Variants in GRM1 observed in about 807,000 individuals in gnomAD.
The protein encoded by GRM1 is glutamate metabotropic receptor 1.
GRM1 carries 33 observed loss-of-function variants against 90.9 expected under a neutral mutation model. The ratio of observed to expected loss-of-function variants is 0.36; its 90% CI spans 0.28 to 0.49. The LOEUF (loss-of-function observed/expected upper bound fraction) is 0.49. Among genes scored for constraint, GRM1 ranks in the 20% least tolerant of loss-of-function variants. GRM1 has a pLI of 0.99. For missense variants in GRM1, 1,190 were observed against 1,534.3 expected (o/e 0.78, Z 3.75); for synonymous variants, 700 against 613.2 (o/e 1.14, Z -2.09).
At chr6:146,297,451 C>A (rs989875848) in intron 2 of GRM1, among the ~76,000 whole-genome samples, 1 of 152,112 alleles carries the variant, frequency 6.6e-6, no homozygotes, top group African/African-American at 2.4e-5. Context: ...TGAGCCACCA[C>A]GCCCAGCCAA....
chr6:146,310,360 T>C (rs920523123), intron 3 of GRM1, among the ~76,000 whole-genome samples: 2 of 152,250 alleles, frequency 1.3e-5, no homozygotes, highest in Non-Finnish European at 2.9e-5. Flanking sequence ...AGATGTTCCA[T>C]AAACTGAGAT....
At chr6:146,117,158 A>T (rs111346439) in intron 1 of GRM1, among the ~76,000 whole-genome samples, 3,809 of 145,882 alleles carry the variant, frequency 0.026, 105 homozygotes, top group African/African-American at 0.073. Flanking sequence ...TTATTTATTT[A>T]TTTTTTTTTT....
Position 146,357,691 on chromosome 6 carries a change from T to C in GRM1, c.1599T>C (p.Ile533=), listed in dbSNP as rs1176004285. Residue 533 remains isoleucine, a synonymous_variant, in exon 5 of 8, where the codon ATT becomes ATC. Transcript: ENST00000282753. Reference sequence around the variant, plus strand: ...GTGAGCCTTGCTTAAAGGGCCAGATTAAGGTAAGCCACAAATGCATTCTTG... The same window carrying C: ...GTGAGCCTTGCTTAAAGGGCCAGATCAAGGTAAGCCACAAATGCATTCTTG... The part of the protein sequence containing the change: ...VCSEPCLKGQ[I]KVIRKGEVSC... 5 of 1,613,198 alleles carry C rather than the reference T, an allele frequency of 3.1e-6. No individual in the cohort carries two copies. In the African/African-American group the frequency reaches 5.3e-5, roughly 17 times the overall value.
chr6:146,407,898 AATG>A (rs1429029421), intron 7 of GRM1, among the ~76,000 whole-genome samples: 1 of 152,216 alleles, frequency 6.6e-6, no homozygotes, highest in Non-Finnish European at 1.5e-5. Context: ...GTGTGCATGA[AATG>A]ATAAGAAACA....
In GRM1 at chr6:146,029,580, A is replaced by C. The variant is rs764664047; in HGVS notation, c.63A>C (p.Arg21Ser). ...AIFLEVSLLP[R>S]SPGRKVLLAG... Reference sequence around the variant, plus strand: ...TTTTGGAGGTGTCCCTTCTCCCCAGAAGCCCCGGCAGGAAAGTGTTGCTGG... The same window carrying C: ...TTTTGGAGGTGTCCCTTCTCCCCAGCAGCCCCGGCAGGAAAGTGTTGCTGG... The change falls in exon 1 of 8, where the codon AGA becomes AGC. Residue 21 changes from arginine to serine, a missense_variant. Physicochemically the swap from Arg to Ser is moderately radical, Grantham distance 110 (BLOSUM62 -1). This residue lies in a region of GRM1 where 44 missense variants were observed against 35.8 expected (regional missense o/e 1.23). Transcript: ENST00000282753. 6 of 1,613,812 alleles carry C rather than the reference A, an allele frequency of 3.7e-6. No homozygotes were observed. Among genetic ancestry groups the C allele is most frequent in the South Asian group, 1.1e-5 (1 of 91,064 alleles).
chr6:146,349,801 TAA>T (rs1039594567), intron 3 of GRM1, among the ~76,000 whole-genome samples: 2 of 152,218 alleles, frequency 1.3e-5, no homozygotes, highest in Non-Finnish European at 2.9e-5. Context: ...TGAAATTAGT[TAA>T]AAAATAATGA....
intron 1 of GRM1, among the ~76,000 whole-genome samples, chr6:146,066,809 A>G (rs905643475): frequency 1.2e-4 from 19 of 152,172 alleles, no homozygotes; most frequent in African/African-American, 4.6e-4. Context: ...CAGTAAATGC[A>G]TAGTAAATAT....
At chr6:146,395,589 T>A (rs1752131298) in intron 6 of GRM1, among the ~76,000 whole-genome samples, 1 of 152,164 alleles carries the variant, frequency 6.6e-6, no homozygotes, top group South Asian at 2.1e-4. Context: ...ATACTTGTAG[T>A]ATGGACAATA....
intron 2 of GRM1, among the ~76,000 whole-genome samples, chr6:146,173,593 G>T (rs1202634460): frequency 6.6e-6 from 1 of 151,402 alleles, no homozygotes; most frequent in Admixed American, 6.6e-5. Flanking sequence ...TTCTCTCACT[G>T]ATGGATGATT....
At chr6:146,178,605 A>G (rs1036112883) in intron 2 of GRM1, among the ~76,000 whole-genome samples, 1 of 152,178 alleles carries the variant, frequency 6.6e-6, no homozygotes, top group Non-Finnish European at 1.5e-5. Context: ...AGGTGTCACT[A>G]TCTCATGTCT....
intron 2 of GRM1, among the ~76,000 whole-genome samples, chr6:146,264,753 G>T (rs1009251114): frequency 6.6e-6 from 1 of 151,998 alleles, no homozygotes; most frequent in Admixed American, 6.6e-5. Context: ...TGTGCCCATT[G>T]CTTAGCTCCT....
intron 3 of GRM1, among the ~76,000 whole-genome samples, chr6:146,306,502 T>C (rs976929015): frequency 6.6e-6 from 1 of 152,212 alleles, no homozygotes; most frequent in Admixed American, 6.5e-5. Flanking sequence ...TCTAATTGTT[T>C]CCTAAGAAAT....
At chr6:146,237,676 G>A (rs2114721549) in intron 2 of GRM1, among the ~76,000 whole-genome samples, 1 of 152,184 alleles carries the variant, frequency 6.6e-6, no homozygotes. Context: ...CAATGATACA[G>A]ACATTTCTTT....
intron 2 of GRM1, among the ~76,000 whole-genome samples, chr6:146,258,761 C>T (rs1386753731): frequency 6.6e-6 from 1 of 152,066 alleles, no homozygotes; most frequent in African/African-American, 2.4e-5. Flanking sequence ...CCAAATTTAC[C>T]TCAGTTGTGA....
chr6:146,163,506 A>G (rs1377294763), intron 2 of GRM1, among the ~76,000 whole-genome samples: 1 of 152,216 alleles, frequency 6.6e-6, no homozygotes, highest in African/African-American at 2.4e-5. Context: ...CAATGTACGG[A>G]GTACAGTAAC....
In GRM1 at chr6:146,433,942, C is replaced by T; in HGVS notation, c.2731C>T (p.His911Tyr). 1 of 1,613,850 alleles carries T rather than the reference C, an allele frequency of 6.2e-7. No homozygotes were observed. Among genetic ancestry groups the T allele is most frequent in the Non-Finnish European group, 8.5e-7 (1 of 1,179,734 alleles). ...GQVPKGQHMW[H>Y]RLSVHVKTNE... is the part of the protein sequence containing the mutation. ...GGTGCCCAAGGGACAGCATATGTGG[C>T]ACCGCCTCTCTGTGCACGTGAAGAC... Residue 911 changes from histidine to tyrosine, a missense_variant, in exon 8 of 8, where the codon CAC becomes TAC. Coordinates refer to ENST00000282753, the MANE Select transcript of GRM1 (RefSeq NM_001278064.2).
chr6:146,228,332 C>G (rs185525721), intron 2 of GRM1, among the ~76,000 whole-genome samples: 14 of 152,208 alleles, frequency 9.2e-5, no homozygotes, highest in Admixed American at 8.5e-4. Flanking sequence ...CTGCGTTATC[C>G]CATGGCAGAA....
At chr6:146,117,027 T>G (rs1297794738) in intron 1 of GRM1, among the ~76,000 whole-genome samples, 2 of 151,802 alleles carry the variant, frequency 1.3e-5, no homozygotes, top group Non-Finnish European at 2.9e-5. Flanking sequence ...TATTTTTAAT[T>G]TTTTAAAGTC....
At chr6:146,049,283 A>G (rs1339530620) in intron 1 of GRM1, among the ~76,000 whole-genome samples, 1 of 151,986 alleles carries the variant, frequency 6.6e-6, no homozygotes, top group Non-Finnish European at 1.5e-5. Context: ...CTATGAGGGT[A>G]TTTCCCAAGA....
Sources: allele counts gnomAD v4.1 joint callset (sites outside exome capture counted in the v4.1 genomes callset), GRCh38; gene constraint gnomAD v4.1.1; regional missense constraint gnomAD v4.1.1; transcripts MANE v1.5; gene names NCBI Gene and HGNC (gene_info 2026-07-23, HGNC 2026-07-21).